USP2: variants seen among roughly 807,000 people sequenced by gnomAD.
The protein encoded by USP2 is ubiquitin specific peptidase 2, also known as ubiquitin carboxyl-terminal hydrolase 2.
In USP2, 33 loss-of-function variants were observed where a neutral mutation model predicts 72.0. That is an observed-to-expected ratio of 0.46 (90% CI 0.35 to 0.61). The LOEUF is 0.61. Ranked by LOEUF, USP2 falls within the 20% of genes least tolerant of loss-of-function variation. The probability of loss-of-function intolerance (pLI) is 0.01; values close to 1 mark genes in which losing one functional copy is unlikely to be tolerated. For synonymous variants in USP2, 296 were observed against 312.5 expected, an observed-to-expected ratio of 0.95 and a Z score of 0.56; for missense variants, 691 against 797.8, an observed-to-expected ratio of 0.87 and a Z score of 1.61.
rs1246910769 is a variant in USP2, at chr11:119,356,227, C to T, written c.*608G>A. The T allele has an allele frequency of 1.3e-5, 2 of 152,320 alleles. No homozygotes were observed. Among genetic ancestry groups the T allele is most frequent in the Non-Finnish European group, 2.9e-5 (2 of 68,050 alleles). The allele number at this position is 152,320 out of a possible 1,614,324, so 9.4% of individuals were successfully genotyped here. A position where few individuals can be genotyped will look rare whatever the true frequency, so the allele number is the denominator to read the frequency against. On this transcript the variant is annotated 3_prime_UTR_variant, in exon 13 of 13. Coordinates refer to ENST00000260187, the MANE Select transcript of USP2 (RefSeq NM_004205.5). ...GTGCAACGTCCCAGCTATGAAGAGG[C>T]CTGAAGGAGAGCACTCCAGTCTGAA...
At chr11:119,357,014 C>T (rs774540258) in intron 12 of USP2, 92 bp from the exon 13 acceptor site, 63 of 1,476,562 alleles carry the variant, frequency 4.3e-5, no homozygotes, top group Non-Finnish European at 5.3e-5. Flanking sequence ...GGCCGGCCTG[C>T]CTTTCAGGGA....
intron 8 of USP2, 42 bp downstream of exon 8, chr11:119,358,107 C>T (rs186666233): frequency 7.6e-5 from 122 of 1,614,084 alleles, no homozygotes; most frequent in African/African-American, 7.2e-4. Flanking sequence ...CATGAAAGGA[C>T]AGGAGAGGGA....
chr11:119,379,148 T>C (rs1368198829), intron 1 of USP2: 3 of 985,334 alleles, frequency 3.0e-6, no homozygotes, highest in Non-Finnish European at 3.6e-6. Context: ...ATATATATAG[T>C]ATCTTATCTG....
chr11:119,368,559 A>G (rs2135401701), intron 2 of USP2, among the ~76,000 whole-genome samples: 1 of 152,380 alleles, frequency 6.6e-6, no homozygotes, highest in African/African-American at 2.4e-5. Context: ...GTCACTGAAC[A>G]GCTGGAACCC....
intron 2 of USP2, among the ~76,000 whole-genome samples, chr11:119,367,484 G>A (rs1227031097): frequency 1.3e-5 from 2 of 152,206 alleles, no homozygotes; most frequent in East Asian, 1.9e-4. Flanking sequence ...GATTACCACC[G>A]CAAATGGACA....
At chr11:119,365,465 G>C (rs779921703) in intron 2 of USP2, among the ~76,000 whole-genome samples, 41 of 152,164 alleles carry the variant, frequency 2.7e-4, no homozygotes, top group Middle Eastern at 3.2e-3. Flanking sequence ...TGTGAGGAGT[G>C]GTGATCTCTA....
At chr11:119,370,224 G>A (rs1481594663) in intron 2 of USP2, among the ~76,000 whole-genome samples, 1 of 152,188 alleles carries the variant, frequency 6.6e-6, no homozygotes, top group Non-Finnish European at 1.5e-5. Context: ...GAATTGTGAA[G>A]GCACTGAAGG....
chr11:119,356,907 G>A lies in USP2; in HGVS notation c.1746C>T (p.Ser582=), dbSNP rs1177101985. Residue 582 remains serine, a synonymous_variant, in exon 13 of 13, where the codon TCC becomes TCT. Transcript: ENST00000260187. ...CGTCGCTGGTGCGCACTTGGCTGGA[G>A]GACATGGGAGTGACGCTGCGGAGAG... ...TFNDSSVTPM[S]SSQVRTSDAY... is the part of the protein sequence containing the mutation. 5.8e-6 allele frequency: 9 copies of A among 1,561,540 alleles called. No individual in the cohort carries two copies. The highest frequency in any genetic ancestry group is 7.8e-6 in the Non-Finnish European group (9 of 1,153,356).
intron 2 of USP2, among the ~76,000 whole-genome samples, chr11:119,362,197 G>C (rs1192993375): frequency 6.6e-6 from 1 of 152,192 alleles, no homozygotes; most frequent in Non-Finnish European, 1.5e-5. Flanking sequence ...CAGTGCTAAT[G>C]GGGGTAGGGA....
At chr11:119,369,503 T>A (rs567413708) in intron 2 of USP2, among the ~76,000 whole-genome samples, 1 of 152,230 alleles carries the variant, frequency 6.6e-6, no homozygotes, top group East Asian at 1.9e-4. Flanking sequence ...TACTTTTTTT[T>A]ACCTCTGTTT....
At chr11:119,364,164 GCGC>G in intron 2 of USP2, 1 of 1,203,514 alleles carries the variant, frequency 8.3e-7, no homozygotes, top group Non-Finnish European at 1.0e-6. Context: ...TCCCCGGCGT[GCGC>G]CGCCAACAGC....
chr11:119,371,713 G>C (rs957658301), intron 2 of USP2, among the ~76,000 whole-genome samples: 3 of 152,158 alleles, frequency 2.0e-5, no homozygotes, highest in African/African-American at 7.2e-5. Flanking sequence ...GAGTAGGGAG[G>C]GGTACATAAG....
In USP2 at chr11:119,359,070, C is replaced by T. The variant is rs149464743; in HGVS notation, c.1126G>A (p.Val376Met). 8.7e-6 allele frequency: 14 copies of T among 1,614,120 alleles called. No homozygotes were observed. The highest frequency in any genetic ancestry group is 1.1e-5 in the Non-Finnish European group (13 of 1,180,046). ...LDGLHNEVNR[V>M]TLRPKSNPEN... ...GGGTTGGACTTAGGTCTCAGTGTCA[C>T]TCGGTTCACCTCGTTATGGAGCCCA... Residue 376 changes from valine (V) to methionine (M), a missense_variant, in exon 6 of 13, where the codon GTG becomes ATG. By Grantham distance (21) the Val-to-Met change is conservative (BLOSUM62 1). Coordinates refer to ENST00000260187, the MANE Select transcript of USP2 (RefSeq NM_004205.5).
chr11:119,373,453 G>A lies in USP2; in HGVS notation c.28C>T (p.Arg10Cys), dbSNP rs370371826. The A allele has an allele frequency of 9.4e-6, 15 of 1,593,160 alleles. No homozygotes were observed. Among genetic ancestry groups the A allele is most frequent in the African/African-American group, 5.3e-5 (4 of 74,864 alleles). ...GTGTAGCGGGCCGATTCTGTGTAGC[G>A]CTTCAGGGTGGAGGAGAGCTGGGAC... MSQLSSTLK[R>C]YTESARYTDA... is the part of the protein sequence containing the mutation. Residue 10 changes from arginine to cysteine, a missense_variant, in exon 2 of 13, where the codon CGC (arginine) becomes TGC (cysteine). Transcript: ENST00000260187.
intron 2 of USP2, chr11:119,363,800 CG>C: frequency 7.4e-7 from 1 of 1,342,810 alleles, no homozygotes. Flanking sequence ...AGGGAGAAGG[CG>C]GGACCCCAGG....
intron 2 of USP2, among the ~76,000 whole-genome samples, chr11:119,361,966 C>T (rs1454041562): frequency 6.6e-6 from 1 of 152,170 alleles, no homozygotes; most frequent in Admixed American, 6.5e-5. Flanking sequence ...ATTGGTGAAA[C>T]GCTGCAAAAG....
In USP2 at chr11:119,379,942, G is replaced by A. The variant is rs1488033863; in HGVS notation, c.-42+1531C>T. Among the ~76,000 whole-genome samples the A allele has an allele frequency of 3.1e-5, 4 of 129,406 alleles. No homozygotes were observed. In the Admixed American group the frequency reaches 3.5e-4, roughly 11 times the overall value. The allele number at this position is 129,406 out of a possible 152,430, so 84.9% of individuals were successfully genotyped here. The stretch of plus-strand genomic sequence containing the variant: ...CTTTTTTTTTTTTTTTTTTTGAGAC[G>A]GAGTCTCCGTCGCCCAGGCTGCAGT... On this transcript the variant is annotated intron_variant, in intron 1 of 12. Transcript: ENST00000260187.
Position 119,381,628 on chromosome 11 carries a change from G to T in USP2, c.-197C>A. 1.4e-6 allele frequency: 2 copies of T among 1,385,224 alleles called. No homozygotes were observed. Among genetic ancestry groups the T allele is most frequent in the Non-Finnish European group, 9.9e-7 (1 of 1,014,478 alleles). 85.8% of individuals were successfully genotyped at this position (1,385,224 alleles called of 1,614,324 possible). On this transcript the variant is annotated 5_prime_UTR_variant, in exon 1 of 13. Coordinates refer to ENST00000260187, the MANE Select transcript of USP2 (RefSeq NM_004205.5). Reference sequence around the variant, plus strand: ...CTGACTCTCTCCCACCTCCGCCGGGGGCCCAGAAGGGACCTCCCCGGGAAA... The same window carrying T: ...CTGACTCTCTCCCACCTCCGCCGGGTGCCCAGAAGGGACCTCCCCGGGAAA...
rs1211962327 is a variant in USP2 at position 119,360,348 on chromosome 11, T to G, written c.775-114A>C. On this transcript the variant is annotated intron_variant, in intron 2 of 12. Transcript: ENST00000260187. ...GCCACAGGCAGCAGGCCACACATAA[T>G]ATTCTTTCTTCAACTTTACCCATCT... The G allele has an allele frequency of 5.8e-6, 6 of 1,040,714 alleles. No individual in the cohort carries two copies. The South Asian group carries it at 8.1e-5, about 14-fold the overall frequency. The allele number at this position is 1,040,714 out of a possible 1,614,324, so 64.5% of individuals were successfully genotyped here.
Sources: gnomAD v4.1 joint callset for allele counts (sites outside exome capture counted in the v4.1 genomes callset) on GRCh38, gnomAD v4.1.1 for gene constraint, MANE v1.5 for transcripts, NCBI Gene and HGNC (gene_info 2026-07-23, HGNC 2026-07-21) for gene names.